Variants in NXPH4 observed in about 807,000 individuals in gnomAD.
The protein encoded by NXPH4 is neurexophilin-4.
Under a neutral mutation model 21.3 loss-of-function variants are expected in NXPH4, and 8 were observed. The ratio of observed to expected loss-of-function variants is 0.38; its 90% CI spans 0.22 to 0.68. The LOEUF (loss-of-function observed/expected upper bound fraction) is 0.68. NXPH4 is among the 30% of genes least tolerant of loss of function. The pLI is 0.53. For synonymous variants in NXPH4, 219 were observed against 192.6 expected (o/e 1.14, Z -1.13); for missense variants, 418 against 416.8 (o/e 1.00, Z -0.03).
chr12:57,218,851 G>A (rs1365591659), intron 1 of NXPH4, among the ~76,000 whole-genome samples: 2 of 152,198 alleles, frequency 1.3e-5, no homozygotes, highest in Admixed American at 1.3e-4. Flanking sequence ...CCAAATACCT[G>A]TGTGTGCTTC....
At chr12:57,221,811 G>C (rs1363111923) in intron 1 of NXPH4, among the ~76,000 whole-genome samples, 2 of 152,168 alleles carry the variant, frequency 1.3e-5, no homozygotes. Context: ...CAAGAGCTCT[G>C]GGCAGAGGAG....
intron 1 of NXPH4, chr12:57,221,351 C>A (rs1201668587): frequency 2.2e-6 from 1 of 455,942 alleles, no homozygotes; most frequent in South Asian, 1.5e-5. Flanking sequence ...CCTGGGAGCA[C>A]CCTGCCTGAC....
At chr12:57,218,803 C>T (rs971420996) in intron 1 of NXPH4, among the ~76,000 whole-genome samples, 29 of 152,210 alleles carry the variant, frequency 1.9e-4, no homozygotes, top group Non-Finnish European at 4.0e-4. Context: ...ATATGTATAA[C>T]TGCACGGGGA....
intron 1 of NXPH4, among the ~76,000 whole-genome samples, chr12:57,222,916 G>A (rs188581778): frequency 1.1e-4 from 17 of 152,290 alleles, no homozygotes; most frequent in African/African-American, 3.6e-4. Context: ...GCAGCGTGGC[G>A]GGGACGGGGA....
chr12:57,217,235 G>C (rs1471539507), intron 1 of NXPH4, among the ~76,000 whole-genome samples: 1 of 152,204 alleles, frequency 6.6e-6, no homozygotes, highest in Non-Finnish European at 1.5e-5. Context: ...GAGGGTGCCG[G>C]GCGGAGGTCC....
intron 1 of NXPH4, among the ~76,000 whole-genome samples, chr12:57,223,572 C>T (rs2037112183): frequency 6.6e-6 from 1 of 152,176 alleles, no homozygotes. Context: ...CAGGCTGACA[C>T]ACATGGTACT....
Position 57,216,859 on chromosome 12 carries a change from TCCCG to T in NXPH4, c.-108_-105del, listed in dbSNP as rs2037042878. On this transcript the variant is annotated 5_prime_UTR_variant, in exon 1 of 2. Coordinates refer to ENST00000349394, the MANE Select transcript of NXPH4 (RefSeq NM_007224.4). This position sits in a 1 kb window ranked among gnomAD's most constrained non-coding sequence, Gnocchi z 5.3. Reference sequence around the variant, plus strand: ...CCGCCGCTCCCGCCGCTCCCGCCGCTCCCGCCGCTCCCGCAGCCGCCCCGCCGCC... The same window carrying T: ...CCGCCGCTCCCGCCGCTCCCGCCGCTCCGCTCCCGCAGCCGCCCCGCCGCC... The T allele has an allele frequency of 1.1e-5, 6 of 547,192 alleles. 1 individual carries two copies. The highest frequency in any genetic ancestry group is 7.1e-5 in the Admixed American group (1 of 14,004). 33.9% of individuals were successfully genotyped at this position (547,192 alleles called of 1,614,324 possible). A position where few individuals can be genotyped will look rare whatever the true frequency, so the allele number is the denominator to read the frequency against.
intron 1 of NXPH4, among the ~76,000 whole-genome samples, chr12:57,219,223 A>T (rs1252750637): frequency 6.6e-6 from 1 of 151,102 alleles, no homozygotes; most frequent in Non-Finnish European, 1.5e-5. Flanking sequence ...CTGCTTGCTC[A>T]CCCTCCTCCA....
At chr12:57,223,620 A>G (rs994169299) in intron 1 of NXPH4, among the ~76,000 whole-genome samples, 1 of 152,246 alleles carries the variant, frequency 6.6e-6, no homozygotes, top group Non-Finnish European at 1.5e-5. Flanking sequence ...TCAGGGCCAC[A>G]GCACGCGGCG....
chr12:57,218,523 C>A (rs1274740767), intron 1 of NXPH4, among the ~76,000 whole-genome samples: 1 of 151,540 alleles, frequency 6.6e-6, no homozygotes. Flanking sequence ...CCTCCCACCT[C>A]ATCTCCACTC....
Position 57,225,036 on chromosome 12 carries a change from C to G in NXPH4, c.216C>G (p.Asn72Lys). The G allele has an allele frequency of 6.7e-7, 1 of 1,485,738 alleles. No individual in the cohort carries two copies. Among genetic ancestry groups the G allele is most frequent in the African/African-American group, 1.4e-5 (1 of 69,936 alleles). The allele number at this position is 1,485,738 out of a possible 1,614,324, so 92.0% of individuals were successfully genotyped here. A position where few individuals can be genotyped will look rare whatever the true frequency, so the allele number is the denominator to read the frequency against. Reference protein sequence around the residue: ...GRAWSWAWPTNHTGALARAGA... With the variant: ...GRAWSWAWPTKHTGALARAGA... ...CCTGGAGCTGGGCCTGGCCGACCAA[C>G]CACACGGGGGCGCTGGCCCGGGCAG... Residue 72 changes from asparagine to lysine, a missense_variant, in exon 2 of 2, where the codon AAC becomes AAG. Asn to Lys is a moderately conservative substitution (Grantham distance 94). Coordinates refer to ENST00000349394, the MANE Select transcript of NXPH4 (RefSeq NM_007224.4).
At position 57,216,966 on chromosome 12, in the gene NXPH4, G is replaced by C; in HGVS notation, c.-4G>C. ...CAGCCTGCCCCGCTCAGCCGCCAGA[G>C]AAGATGCGGCTGCTCCCGGAATGGT... On this transcript the variant is annotated 5_prime_UTR_variant, in exon 1 of 2. Coordinates refer to ENST00000349394, the MANE Select transcript of NXPH4 (RefSeq NM_007224.4). The surrounding 1 kb of genome is among the most constrained non-coding windows in gnomAD (Gnocchi z 5.3). 1 of 1,597,790 alleles carries C rather than the reference G, an allele frequency of 6.3e-7. No homozygotes were observed.
At chr12:57,222,039 A>C (rs1243368132) in intron 1 of NXPH4, among the ~76,000 whole-genome samples, 1 of 152,192 alleles carries the variant, frequency 6.6e-6, no homozygotes, top group Non-Finnish European at 1.5e-5. Context: ...AGAGAGGGAG[A>C]GAGAGCACGA....
intron 1 of NXPH4, among the ~76,000 whole-genome samples, chr12:57,217,894 G>A (rs2037055594): frequency 6.6e-6 from 1 of 152,236 alleles, no homozygotes; most frequent in Admixed American, 6.5e-5. Context: ...TACTGGGGCC[G>A]AGGGTACATG....
intron 1 of NXPH4, among the ~76,000 whole-genome samples, chr12:57,220,773 C>T (rs2037083739): frequency 6.6e-6 from 1 of 152,160 alleles, no homozygotes; most frequent in Admixed American, 6.5e-5. Context: ...CCCTTGTCCC[C>T]CATTTCCCAT....
rs185257555 is a variant in NXPH4 at position 57,220,607 on chromosome 12, C to T, written c.57+3581C>T. Among the ~76,000 whole-genome samples, 35 of 152,328 alleles carry T rather than the reference C, an allele frequency of 2.3e-4. 2 individuals carry two copies. In the East Asian group the frequency reaches 6.4e-3, roughly 28 times the overall value. On this transcript the variant is annotated intron_variant, in intron 1 of 1. Transcript: ENST00000349394. ...CCCCACCCCACCAGCGGTCCCCGCC[C>T]CCTCATGCAGTGGTAGGGTCTGGAA...
chr12:57,220,789 T>C (rs1355127401), intron 1 of NXPH4, among the ~76,000 whole-genome samples: 1 of 152,048 alleles, frequency 6.6e-6, no homozygotes, highest in Non-Finnish European at 1.5e-5. Context: ...CCCATTCCAG[T>C]CTCCCTTTGA....
At position 57,226,166 on chromosome 12, in the gene NXPH4, C is replaced by T; in HGVS notation, c.*419C>T. On this transcript the variant is annotated 3_prime_UTR_variant, in exon 2 of 2. Transcript: ENST00000349394. ...TCCCCCAGCGCTTGTCCTGCTTCAC[C>T]CTACCCCGCCTAAGACTGTAAAGGC... is the stretch of plus-strand genomic sequence containing the variant. 2.3e-6 allele frequency: 1 copy of T among 440,308 alleles called. No homozygotes were observed. The highest frequency in any genetic ancestry group is 7.2e-5 in the South Asian group (1 of 13,940). The allele number at this position is 440,308 out of a possible 1,614,324, so 27.3% of individuals were successfully genotyped here. A position where few individuals can be genotyped will look rare whatever the true frequency, so the allele number is the denominator to read the frequency against.
chr12:57,224,905 G>A lies in NXPH4; in HGVS notation c.85G>A (p.Gly29Arg), dbSNP rs748690073. Residue 29 changes from glycine to arginine, a missense_variant, in exon 2 of 2, where the codon GGA becomes AGA. Coordinates refer to ENST00000349394, the MANE Select transcript of NXPH4 (RefSeq NM_007224.4). ...KAVSAQIPES[G>R]RPQYLGLRPA... Reference sequence around the variant, plus strand: ...CGTCAGTGCCCAGATACCAGAGTCCGGAAGGCCGCAGTACCTGGGGCTGCG... The same window carrying A: ...CGTCAGTGCCCAGATACCAGAGTCCAGAAGGCCGCAGTACCTGGGGCTGCG... 1.5e-5 allele frequency: 18 copies of A among 1,187,668 alleles called. No homozygotes were observed. The highest frequency in any genetic ancestry group is 4.7e-4 in the Middle Eastern group (2 of 4,242). 73.6% of individuals were successfully genotyped at this position (1,187,668 alleles called of 1,614,324 possible).
Sources: gnomAD v4.1 joint callset for allele counts (sites outside exome capture counted in the v4.1 genomes callset) on GRCh38, gnomAD v4.1.1 for gene constraint, Gnocchi (gnomAD v3.1) non-coding constraint, MANE v1.5 for transcripts, NCBI Gene and HGNC (gene_info 2026-07-23, HGNC 2026-07-21) for gene names.